CSRNP3: variants seen among roughly 807,000 people sequenced by gnomAD.
CSRNP3 encodes cysteine/serine-rich nuclear protein 3.
CSRNP3 carries 12 observed loss-of-function variants against 48.0 expected under a neutral mutation model. The observed-to-expected ratio is 0.25, with a 90% CI of 0.16 to 0.41. The LOEUF (loss-of-function observed/expected upper bound fraction) is 0.41. Ranked by LOEUF, CSRNP3 falls within the 10% of genes least tolerant of loss-of-function variation. CSRNP3 has a pLI of 1.00. For missense variants in CSRNP3, 580 were observed against 724.4 expected (o/e 0.80, Z 2.29); for synonymous variants, 263 against 269.7 (o/e 0.98, Z 0.24).
At chr2:165,597,001 G>C (rs566320365) in intron 4 of CSRNP3, among the ~76,000 whole-genome samples, 1 of 152,226 alleles carries the variant, frequency 6.6e-6, no homozygotes, top group African/African-American at 2.4e-5. Flanking sequence ...GAGGCTAAGC[G>C]TCTGGCAAAA....
chr2:165,649,259 G>A (rs891146029), intron 4 of CSRNP3, among the ~76,000 whole-genome samples: 1 of 152,044 alleles, frequency 6.6e-6, no homozygotes, highest in Admixed American at 6.6e-5. Flanking sequence ...TTGTAAACTA[G>A]CAATTTAAAC....
chr2:165,635,422 T>C (rs1686611294), intron 4 of CSRNP3, among the ~76,000 whole-genome samples: 2 of 152,164 alleles, frequency 1.3e-5, no homozygotes, highest in African/African-American at 4.8e-5. Context: ...TTCAAAGTCA[T>C]TGGAAACCCT....
chr2:165,588,720 C>G (rs192332695), intron 3 of CSRNP3, among the ~76,000 whole-genome samples: 8 of 152,168 alleles, frequency 5.3e-5, no homozygotes, highest in African/African-American at 1.4e-4. Context: ...TCTGGGGGGT[C>G]GAGGTGAGAG....
chr2:165,481,978 T>A (rs1684049927), intron 1 of CSRNP3, among the ~76,000 whole-genome samples: 1 of 152,088 alleles, frequency 6.6e-6, no homozygotes, highest in African/African-American at 2.4e-5. Context: ...TAGTGAGTAC[T>A]ATGCTCACTA....
chr2:165,554,303 T>C (rs1460305150), intron 3 of CSRNP3, among the ~76,000 whole-genome samples: 1 of 152,208 alleles, frequency 6.6e-6, no homozygotes, highest in Non-Finnish European at 1.5e-5. Flanking sequence ...TTAGACTGCC[T>C]CTTTTTCCTA....
intron 5 of CSRNP3, among the ~76,000 whole-genome samples, chr2:165,662,610 A>G (rs1687116257): frequency 6.6e-6 from 1 of 152,200 alleles, no homozygotes; most frequent in Non-Finnish European, 1.5e-5. Context: ...ATTAGACTTT[A>G]TTCCCAATTC....
intron 4 of CSRNP3, among the ~76,000 whole-genome samples, chr2:165,609,194 G>A (rs900080603): frequency 4.0e-5 from 6 of 151,170 alleles, no homozygotes; most frequent in Non-Finnish European, 8.8e-5. Flanking sequence ...AGTGGCTCAC[G>A]CCTGTAATCT....
intron 2 of CSRNP3, among the ~76,000 whole-genome samples, chr2:165,496,725 C>T (rs1684288180): frequency 6.6e-6 from 1 of 151,948 alleles, no homozygotes; most frequent in African/African-American, 2.4e-5. Flanking sequence ...AAACCCTATA[C>T]CTTTGAGATG....
chr2:165,558,754 TACTC>T (rs1685193985), intron 3 of CSRNP3, among the ~76,000 whole-genome samples: 1 of 152,216 alleles, frequency 6.6e-6, no homozygotes, highest in Admixed American at 6.5e-5. Flanking sequence ...TTTTACGTAT[TACTC>T]AATTTATAGT....
chr2:165,543,529 G>A (rs532956534), intron 3 of CSRNP3, among the ~76,000 whole-genome samples: 48 of 151,814 alleles, frequency 3.2e-4, no homozygotes, highest in African/African-American at 1.1e-3. Context: ...TAAAAATTTG[G>A]CATGGGAGAT....
At chr2:165,637,232 C>A (rs926552005) in intron 4 of CSRNP3, among the ~76,000 whole-genome samples, 3 of 152,176 alleles carry the variant, frequency 2.0e-5, no homozygotes, top group Non-Finnish European at 4.4e-5. Flanking sequence ...CATGACTAGG[C>A]CTGTCACTAG....
At chr2:165,654,274 T>C (rs888133823) in intron 4 of CSRNP3, among the ~76,000 whole-genome samples, 1 of 152,216 alleles carries the variant, frequency 6.6e-6, no homozygotes, top group Non-Finnish European at 1.5e-5. Context: ...TTTCGACAAA[T>C]TCTTCCTTGT....
intron 3 of CSRNP3, among the ~76,000 whole-genome samples, chr2:165,557,758 A>C (rs1685179103): frequency 6.6e-6 from 1 of 152,192 alleles, no homozygotes; most frequent in Non-Finnish European, 1.5e-5. Flanking sequence ...TTCTCACTAA[A>C]TATTTAATTG....
intron 3 of CSRNP3, among the ~76,000 whole-genome samples, chr2:165,532,793 T>C (rs1418141394): frequency 1.3e-5 from 2 of 152,090 alleles, no homozygotes; most frequent in Non-Finnish European, 2.9e-5. Context: ...GATGACATGA[T>C]TGTATATCTA....
chr2:165,610,566 C>A (rs1413906909), intron 4 of CSRNP3, among the ~76,000 whole-genome samples: 2 of 152,068 alleles, frequency 1.3e-5, no homozygotes, highest in Non-Finnish European at 2.9e-5. Flanking sequence ...CCACCTCAGT[C>A]TTCATTTGTA....
At chr2:165,551,601 C>T (rs1055071346) in intron 3 of CSRNP3, among the ~76,000 whole-genome samples, 8 of 152,250 alleles carry the variant, frequency 5.3e-5, no homozygotes, top group South Asian at 2.1e-4. Flanking sequence ...TCTAGCTGTT[C>T]GCTGCTAAAA....
chr2:165,563,018 C>T (rs1685253929), intron 3 of CSRNP3, among the ~76,000 whole-genome samples: 1 of 152,116 alleles, frequency 6.6e-6, no homozygotes, highest in South Asian at 2.1e-4. Flanking sequence ...ATGAACATTA[C>T]TGCTGTGCTA....
intron 4 of CSRNP3, among the ~76,000 whole-genome samples, chr2:165,632,259 C>T (rs1686550801): frequency 6.6e-6 from 1 of 152,174 alleles, no homozygotes; most frequent in Admixed American, 6.6e-5. Flanking sequence ...TGGTAGTTCA[C>T]ACCTGTAATC....
At position 165,658,392 on chromosome 2, in the gene CSRNP3, T is replaced by C. The variant is rs563405015; in HGVS notation, c.408+372T>C. Among the ~76,000 whole-genome samples the C allele has an allele frequency of 3.9e-5, 6 of 152,232 alleles. No homozygotes were observed. In the East Asian group the frequency reaches 1.2e-3, roughly 29 times the overall value. On this transcript the variant is annotated intron_variant, in intron 5 of 6. Coordinates refer to ENST00000651982, the MANE Select transcript of CSRNP3 (RefSeq NM_001172173.2). ...AAACAAAATAAAAGCACAACTTCAT[T>C]GAGTGCAATGTAGAAGAGTTGCAAG... is the stretch of plus-strand genomic sequence containing the variant.
Sources: gnomAD v4.1 joint callset for allele counts (sites outside exome capture counted in the v4.1 genomes callset) on GRCh38, gnomAD v4.1.1 for gene constraint, MANE v1.5 for transcripts, NCBI Gene and HGNC (gene_info 2026-07-23, HGNC 2026-07-21) for gene names.